ERC2: variants seen among roughly 807,000 people sequenced by gnomAD.
The protein encoded by ERC2 is ELKS/RAB6-interacting/CAST family member 2, also known as ERC protein 2.
In ERC2, 42 loss-of-function variants were observed where a neutral mutation model predicts 114.8. The observed-to-expected ratio is 0.37, with a 90% confidence interval of 0.29 to 0.47. The LOEUF (loss-of-function observed/expected upper bound fraction) is 0.47, where lower values mean the gene tolerates loss of function less well. ERC2 is among the 20% of genes least tolerant of loss of function. The probability of loss-of-function intolerance (pLI) is 0.99; values close to 1 mark genes in which losing one functional copy is unlikely to be tolerated. For missense variants in ERC2, 939 were observed against 1,150.7 expected (o/e 0.82, Z 2.66); for synonymous variants, 454 against 425.5 (o/e 1.07, Z -0.82).
At chr3:55,696,650 T>C (rs574487354) in intron 16 of ERC2, among the ~76,000 whole-genome samples, 36 of 152,368 alleles carry the variant, frequency 2.4e-4, no homozygotes, top group Admixed American at 1.4e-3. Flanking sequence ...TGATAACTAT[T>C]ATCCATTGAT....
intron 17 of ERC2, among the ~76,000 whole-genome samples, chr3:55,541,237 G>A (rs898804501): frequency 6.6e-6 from 1 of 152,128 alleles, no homozygotes; most frequent in Non-Finnish European, 1.5e-5. Flanking sequence ...AATGTACAAG[G>A]TTGCTAATTT....
chr3:56,373,743 G>A (rs2059435000), intron 2 of ERC2, among the ~76,000 whole-genome samples: 2 of 152,200 alleles, frequency 1.3e-5, no homozygotes, highest in Non-Finnish European at 2.9e-5. Context: ...GAATGAGTAT[G>A]ACTACTGTAT....
intron 17 of ERC2, among the ~76,000 whole-genome samples, chr3:55,677,848 T>C (rs1431267851): frequency 6.6e-6 from 1 of 152,176 alleles, no homozygotes; most frequent in African/African-American, 2.4e-5. Flanking sequence ...CTCCAGGGCT[T>C]ATGGACGCCT....
chr3:55,981,464 T>C (rs1478213189), intron 12 of ERC2, among the ~76,000 whole-genome samples: 1 of 152,224 alleles, frequency 6.6e-6, no homozygotes, highest in Non-Finnish European at 1.5e-5. Context: ...GCCAAATTCT[T>C]CCTTACAGGA....
chr3:56,318,038 G>T (rs938027997), intron 2 of ERC2, among the ~76,000 whole-genome samples: 4 of 152,204 alleles, frequency 2.6e-5, no homozygotes, highest in Admixed American at 2.0e-4. Context: ...CATTGTTATA[G>T]CTCCAGTGCC....
chr3:55,905,238 G>A (rs918593284), intron 13 of ERC2, among the ~76,000 whole-genome samples: 12 of 151,868 alleles, frequency 7.9e-5, no homozygotes, highest in South Asian at 4.2e-4. Flanking sequence ...GCACCATCAC[G>A]CCCAGCTAAT....
At chr3:56,311,160 C>CA (rs1250983302) in intron 2 of ERC2, among the ~76,000 whole-genome samples, 1 of 148,162 alleles carries the variant, frequency 6.7e-6, no homozygotes, top group Non-Finnish European at 1.5e-5. Context: ...ATTTTCAGGG[C>CA]ACATGTGATA....
intron 2 of ERC2, among the ~76,000 whole-genome samples, chr3:56,322,760 T>C (rs116828752): frequency 0.014 from 2,186 of 152,188 alleles, 16 homozygotes; most frequent in South Asian, 0.023. Context: ...AAATTGGGAA[T>C]CTGGAAAGAT....
chr3:55,638,857 A>G (rs1423499482), intron 17 of ERC2, among the ~76,000 whole-genome samples: 1 of 151,892 alleles, frequency 6.6e-6, no homozygotes, highest in African/African-American at 2.4e-5. Flanking sequence ...CTACATTAGA[A>G]TAGTATTATT....
intron 7 of ERC2, among the ~76,000 whole-genome samples, chr3:56,038,822 C>T (rs543237351): frequency 1.3e-5 from 2 of 152,266 alleles, no homozygotes; most frequent in African/African-American, 4.8e-5. Flanking sequence ...CCTCAGCAAA[C>T]TAATGCAGGA....
intron 17 of ERC2, among the ~76,000 whole-genome samples, chr3:55,682,499 G>C (rs2062106954): frequency 6.6e-6 from 1 of 152,102 alleles, no homozygotes; most frequent in Admixed American, 6.6e-5. Context: ...AAAGCAAACT[G>C]ACCCATTAGT....
chr3:55,874,035 TC>T (rs1297650892), intron 14 of ERC2, among the ~76,000 whole-genome samples: 1 of 152,204 alleles, frequency 6.6e-6, no homozygotes, highest in Non-Finnish European at 1.5e-5. Flanking sequence ...AATGACTGAA[TC>T]CATGAGAAGG....
chr3:56,463,590 T>C (rs776546677), intron 1 of ERC2, among the ~76,000 whole-genome samples: 2 of 152,224 alleles, frequency 1.3e-5, no homozygotes, highest in African/African-American at 2.4e-5. Flanking sequence ...AAATATCTTA[T>C]GGAAAGTGCT....
rs188871223 is a variant in ERC2 at position 56,350,130 on chromosome 3, G to T, written c.658-53695C>A. ...TGGGGGACAAAGCAATATCACTGAT[G>T]CTAGAATTTGGGGGACAGGAGGTGG... On this transcript the variant is annotated intron_variant, in intron 2 of 17. Coordinates refer to ENST00000288221, the MANE Select transcript of ERC2 (RefSeq NM_015576.3). Among the ~76,000 whole-genome samples, 34 of 152,302 alleles carry T rather than the reference G, an allele frequency of 2.2e-4. No individual in the cohort carries two copies. The East Asian group carries it at 6.4e-3, about 29-fold the overall frequency.
At chr3:56,075,891 G>T (rs1355329588) in intron 7 of ERC2, among the ~76,000 whole-genome samples, 1 of 152,138 alleles carries the variant, frequency 6.6e-6, no homozygotes, top group East Asian at 1.9e-4. Flanking sequence ...AAATCTCTAT[G>T]TTCTGTATCT....
At chr3:55,975,963 A>T (rs1334603332) in intron 12 of ERC2, among the ~76,000 whole-genome samples, 1 of 152,216 alleles carries the variant, frequency 6.6e-6, no homozygotes, top group Non-Finnish European at 1.5e-5. Context: ...CTGAATGTCC[A>T]TGACATTCAT....
intron 7 of ERC2, among the ~76,000 whole-genome samples, chr3:56,045,666 A>G (rs1028110659): frequency 2.6e-5 from 4 of 152,186 alleles, no homozygotes; most frequent in Non-Finnish European, 5.9e-5. Flanking sequence ...ACATGAAAGG[A>G]TTTCTGGAAA....
chr3:55,620,734 T>C (rs1192161927), intron 17 of ERC2, among the ~76,000 whole-genome samples: 1 of 152,124 alleles, frequency 6.6e-6, no homozygotes, highest in Admixed American at 6.5e-5. Context: ...ATCAGGAACT[T>C]GAAAGCACTC....
chr3:56,321,860 T>A (rs2057141514), intron 2 of ERC2, among the ~76,000 whole-genome samples: 1 of 152,178 alleles, frequency 6.6e-6, no homozygotes, highest in Non-Finnish European at 1.5e-5. Flanking sequence ...AATGCAAATA[T>A]AACAACAGTT....
Sources: allele counts gnomAD v4.1 joint callset (sites outside exome capture counted in the v4.1 genomes callset), GRCh38; gene constraint gnomAD v4.1.1; transcripts MANE v1.5; gene names NCBI Gene and HGNC (gene_info 2026-07-23, HGNC 2026-07-21).